Variants in SHC2 observed in about 807,000 individuals in gnomAD.
SHC2 encodes the protein SHC adaptor protein 2.
Under a neutral mutation model 60.6 loss-of-function variants are expected in SHC2, and 62 were observed. That is an observed-to-expected ratio of 1.02 (90% CI 0.83 to 1.26). The LOEUF (loss-of-function observed/expected upper bound fraction) is 1.26. Among genes scored for constraint, SHC2 ranks in the 50% most tolerant of loss-of-function variants. The pLI is 0.00. For missense variants in SHC2, 873 were observed against 822.2 expected (o/e 1.06, Z -0.76); for synonymous variants, 375 against 372.4 (o/e 1.01, Z -0.08).
Position 440,708 on chromosome 19 carries a change from G to A in SHC2, c.539+154C>T, listed in dbSNP as rs757971215. On this transcript the variant is annotated intron_variant, in intron 2 of 12. Coordinates refer to ENST00000264554, the MANE Select transcript of SHC2 (RefSeq NM_012435.3). The surrounding 1 kb of genome is among the most constrained non-coding windows in gnomAD (Gnocchi z 7.0). ...CCTGGCGTGGGGACAGGGCGGAGAC[G>A]TGGCGTGAAGTGGGAGGGAGGTGGG... is the stretch of plus-strand genomic sequence containing the variant. 4.5e-4 allele frequency among the ~76,000 whole-genome samples: 68 copies of A among 152,338 alleles called. No individual in the cohort carries two copies. The highest frequency in any genetic ancestry group is 1.7e-3 in the South Asian group (8 of 4,832).
intron 11 of SHC2, chr19:419,299 G>A (rs1974219608): frequency 2.1e-6 from 1 of 478,180 alleles, no homozygotes; most frequent in Non-Finnish European, 3.7e-6. Flanking sequence ...GCTGAAAGGT[G>A]ACCGCGGGAA....
intron 1 of SHC2, among the ~76,000 whole-genome samples, chr19:442,300 G>A (rs986193889): frequency 1.3e-5 from 2 of 150,486 alleles, no homozygotes; most frequent in Admixed American, 1.3e-4. Context: ...TGGGTAGATG[G>A]ATGGACAGGC....
At position 438,832 on chromosome 19, in the gene SHC2, G is replaced by A. The variant is rs779077022; in HGVS notation, c.606C>T (p.Pro202=). The A allele has an allele frequency of 1.3e-6, 2 of 1,566,408 alleles. No homozygotes were observed. The highest frequency in any genetic ancestry group is 2.4e-5 in the South Asian group (2 of 85,052). ...GVRGSWKKKA[P]NKALASVLGK... Reference sequence around the variant, plus strand: ...CCAGGACGGACGCCAGGGCCTTGTTGGGGGCCTGAGTTGGGGGCGGAGCAC... The same window carrying A: ...CCAGGACGGACGCCAGGGCCTTGTTAGGGGCCTGAGTTGGGGGCGGAGCAC... Residue 202 remains proline (P), a synonymous_variant, in exon 4 of 13, where the codon CCC becomes CCT. Transcript: ENST00000264554. The surrounding 1 kb of genome is among the most constrained non-coding windows in gnomAD (Gnocchi z 5.0).
chr19:427,192 A>G (rs1294212694), intron 9 of SHC2, among the ~76,000 whole-genome samples: 1 of 152,172 alleles, frequency 6.6e-6, no homozygotes, highest in Non-Finnish European at 1.5e-5. Flanking sequence ...GAAGATCTAA[A>G]AAAAGCTCAA....
intron 1 of SHC2, among the ~76,000 whole-genome samples, chr19:455,517 G>C (rs1415451806): frequency 6.6e-6 from 1 of 152,242 alleles, no homozygotes; most frequent in Non-Finnish European, 1.5e-5. Flanking sequence ...CCACGCCGCT[G>C]ATTATCCGGC....
chr19:417,785 C>T (rs999318415), intron 12 of SHC2, among the ~76,000 whole-genome samples: 5 of 152,130 alleles, frequency 3.3e-5, no homozygotes, highest in East Asian at 1.9e-4. Context: ...CTGCCATACC[C>T]GGAGCCCCCT....
At chr19:419,903 G>A (rs567326678) in intron 11 of SHC2, 6 of 152,302 alleles carry the variant, frequency 3.9e-5, no homozygotes, top group East Asian at 3.9e-4. Context: ...CACATTTCAC[G>A]TGGGAAGCAG....
In SHC2 at chr19:423,802, G is replaced by A. The variant is rs868638351; in HGVS notation, c.1309+1295C>T. On this transcript the variant is annotated intron_variant, in intron 10 of 12. Coordinates refer to ENST00000264554, the MANE Select transcript of SHC2 (RefSeq NM_012435.3). ...ACGTGGCGAATCAGAGGCAGCCCCA[G>A]GACTCTTCGTGGAGGACGGACGAGA... Among the ~76,000 whole-genome samples, 116 of 152,334 alleles carry A rather than the reference G, an allele frequency of 7.6e-4. 2 individuals are homozygous for A. Among genetic ancestry groups the A allele is most frequent in the African/African-American group, 1.9e-3 (79 of 41,566 alleles).
intron 1 of SHC2, among the ~76,000 whole-genome samples, chr19:455,301 T>C (rs576980607): frequency 1.3e-5 from 2 of 152,178 alleles, no homozygotes; most frequent in Admixed American, 6.5e-5. Context: ...GCGAGTGCCA[T>C]GACCCAGGGA....
chr19:450,648 C>T (rs763922286), intron 1 of SHC2, among the ~76,000 whole-genome samples: 6 of 152,210 alleles, frequency 3.9e-5, no homozygotes, highest in Non-Finnish European at 2.9e-5. Flanking sequence ...CCGTCCGTGC[C>T]GTGGCCTGGG....
intron 10 of SHC2, among the ~76,000 whole-genome samples, chr19:423,663 TCCTGGGGGGTCCTCCAGCCCTGAC>T (rs1191544039): frequency 6.6e-6 from 1 of 151,414 alleles, no homozygotes; most frequent in Non-Finnish European, 1.5e-5. Flanking sequence ...CAGCTCCTGG[TCCTGGGGGGTCCTCCAGCCCTGAC>T]CCTGGGGGCT....
intron 9 of SHC2, among the ~76,000 whole-genome samples, chr19:427,453 A>AAGGGGGAATTGCACACGGCACAGGG (rs1974444954): frequency 1.3e-5 from 2 of 149,930 alleles, no homozygotes; most frequent in Non-Finnish European, 3.0e-5. Flanking sequence ...TGGCTTGGGT[A>AAGGGGGAATTGCACACGGCACAGGG]AGGGGGAATT....
chr19:422,686 C>G lies in SHC2; in HGVS notation c.1310-230G>C, dbSNP rs1253241187. The stretch of plus-strand genomic sequence containing the variant: ...CCAGGTTGGGTTTTCTAGGCACGTA[C>G]TAAGCATGTACAAAGGGTAACAGCA... On this transcript the variant is annotated intron_variant, in intron 10 of 12. Transcript: ENST00000264554. This position sits in a 1 kb window ranked among gnomAD's most constrained non-coding sequence, Gnocchi z 5.0. 1 of 505,334 alleles carries G rather than the reference C, an allele frequency of 2.0e-6. No homozygotes were observed. The allele number at this position is 505,334 out of a possible 1,614,324, so 31.3% of individuals were successfully genotyped here.
Position 436,364 on chromosome 19 carries a change from TC to T in SHC2, c.826+15del, listed in dbSNP as rs749738968. On this transcript the variant is annotated intron_variant, in intron 6 of 12. Coordinates refer to ENST00000264554, the MANE Select transcript of SHC2 (RefSeq NM_012435.3). ...CCCAGCCACAGGACCCCCACCGGCC[TC>T]CCCGGGGGCCTCACCTCTCTGGTTG... The T allele has an allele frequency of 1.8e-5, 28 of 1,595,128 alleles. No homozygotes were observed. Among genetic ancestry groups the T allele is most frequent in the Admixed American group, 6.8e-5 (4 of 58,964 alleles).
intron 1 of SHC2, among the ~76,000 whole-genome samples, chr19:442,844 C>T (rs111211803): frequency 0.13 from 1,553 of 11,730 alleles, 78 homozygotes; most frequent in African/African-American, 0.34. Context: ...GATGGGTGGA[C>T]GGGTGGACGG....
intron 1 of SHC2, among the ~76,000 whole-genome samples, chr19:444,288 C>G (rs1176460979): frequency 1.3e-5 from 2 of 152,146 alleles, no homozygotes; most frequent in African/African-American, 4.8e-5. Flanking sequence ...GATTCTCCCA[C>G]TGAGGAGGCA....
chr19:444,128 ATGGGTGGATTGG>A (rs1239973855), intron 1 of SHC2, among the ~76,000 whole-genome samples: 4 of 148,640 alleles, frequency 2.7e-5, no homozygotes, highest in African/African-American at 7.5e-5. Flanking sequence ...GGGTGGACAG[ATGGGTGGATTGG>A]TGGGTGGATG....
intron 12 of SHC2, 102 bp downstream of exon 12, chr19:418,821 T>C (rs1429022235): frequency 2.9e-6 from 4 of 1,367,106 alleles, no homozygotes; most frequent in Admixed American, 2.2e-5. Flanking sequence ...TCGTGCCCTC[T>C]AGAGGGAAAG....
chr19:443,715 CGGGTGAGTGGATGGGTGGGTGGATGGAT>C (rs1282145277), intron 1 of SHC2, among the ~76,000 whole-genome samples: 1 of 61,408 alleles, frequency 1.6e-5, no homozygotes, highest in African/African-American at 6.7e-5. Context: ...GATGGATGGA[CGGGTGAGTGGATGGGTGGGTGGATGGAT>C]GGACGGATGG....
Sources: gnomAD v4.1 joint callset for allele counts (sites outside exome capture counted in the v4.1 genomes callset) on GRCh38, gnomAD v4.1.1 for gene constraint, Gnocchi (gnomAD v3.1) non-coding constraint, MANE v1.5 for transcripts, NCBI Gene and HGNC (gene_info 2026-07-23, HGNC 2026-07-21) for gene names.